The following FFAR4 variants were observed in gnomAD, a reference collection of about 807,000 sequenced individuals.
FFAR4 encodes the protein free fatty acid receptor 4.
Under a neutral mutation model 27.0 loss-of-function variants are expected in FFAR4, and 19 were observed. The observed-to-expected ratio is 0.70, with a 90% confidence interval of 0.49 to 1.03. The LOEUF is 1.03. Among genes scored for constraint, FFAR4 ranks in the 50% least tolerant of loss-of-function variants. FFAR4 has a pLI of 0.00. For missense variants in FFAR4, 476 were observed against 479.0 expected (o/e 0.99, Z 0.06); for synonymous variants, 254 against 215.6 (o/e 1.18, Z -1.56).
chr10:93,567,213 T>C lies in FFAR4; in HGVS notation c.493T>C (p.Tyr165His), dbSNP rs749037839. The stretch of plus-strand genomic sequence containing the variant: ...AGTGCTGCTGGCGCTCATCTGGGGC[T>C]ATTCGGCGGTCGCCGCTCTGCCTCT... ...RAVLLALIWG[Y>H]SAVAALPLCV... Residue 165 changes from tyrosine (Y) to histidine (H), a missense_variant, in exon 1 of 3, where the codon TAT becomes CAT. Tyr to His is a moderately conservative substitution (Grantham distance 83, BLOSUM62 2). Coordinates refer to ENST00000371481, the MANE Select transcript of FFAR4 (RefSeq NM_001195755.2). 7 of 1,601,976 alleles carry C rather than the reference T, an allele frequency of 4.4e-6. No homozygotes were observed. Among genetic ancestry groups the C allele is most frequent in the Non-Finnish European group, 5.1e-6 (6 of 1,179,510 alleles).
In FFAR4 at chr10:93,579,883, G is replaced by C. The variant is rs74231321; in HGVS notation, c.696+3664G>C. 1.0e-3 allele frequency among the ~76,000 whole-genome samples: 159 copies of C among 152,318 alleles called. 1 individual carries two copies. The East Asian group carries it at 0.02, about 19-fold the overall frequency. ...CTTAAGTAATGTGAACCTCAGTTTC[G>C]CAGGAGCCAAATATGCCTCAGTGGA... On this transcript the variant is annotated intron_variant, in intron 2 of 2. Transcript: ENST00000371481.
intron 1 of FFAR4, among the ~76,000 whole-genome samples, chr10:93,572,513 T>G (rs746814314): frequency 1.3e-5 from 2 of 152,176 alleles, no homozygotes; most frequent in African/African-American, 4.8e-5. Context: ...GTAGGAAGTT[T>G]AGACTTAATG....
intron 1 of FFAR4, among the ~76,000 whole-genome samples, chr10:93,571,005 A>G (rs1423860130): frequency 6.6e-6 from 1 of 152,240 alleles, no homozygotes; most frequent in Non-Finnish European, 1.5e-5. Context: ...GCACATACAC[A>G]GTTAAGCACA....
chr10:93,574,540 G>A (rs1172792752), intron 1 of FFAR4, among the ~76,000 whole-genome samples: 2 of 152,134 alleles, frequency 1.3e-5, no homozygotes, highest in African/African-American at 4.8e-5. Context: ...GGTGGTGCGG[G>A]TTTTCTGGAG....
rs1175881579 is a variant in FFAR4, at chr10:93,587,396, C to T, written c.873C>T (p.Asn291=). ...IITILLILIQ[N]FKQDLVIWPS... is the part of the protein sequence containing the mutation. Reference sequence around the variant, plus strand: ...CCATCCTCCTCATCCTGATCCAGAACTTCAAGCAAGACCTGGTCATCTGGC... The same window carrying T: ...CCATCCTCCTCATCCTGATCCAGAATTTCAAGCAAGACCTGGTCATCTGGC... The change falls in exon 3 of 3, where the codon AAC becomes AAT. Residue 291 remains asparagine (N), a synonymous_variant. Transcript: ENST00000371481. The T allele has an allele frequency of 1.9e-6, 3 of 1,613,980 alleles. No homozygotes were observed. The highest frequency in any genetic ancestry group is 1.7e-6 in the Non-Finnish European group (2 of 1,180,020).
chr10:93,576,176 T>A lies in FFAR4; in HGVS notation c.653T>A (p.Val218Glu), dbSNP rs1374688905. 1.9e-6 allele frequency: 3 copies of A among 1,614,152 alleles called. No individual in the cohort carries two copies. The highest frequency in any genetic ancestry group is 2.5e-6 in the Non-Finnish European group (3 of 1,179,978). ...DVSFVTLNFLVPGLVIVISYS... is the reference protein window; with the variant it reads ...DVSFVTLNFLEPGLVIVISYS... ...TCTTTTGTTACTTTGAACTTCTTGG[T>A]GCCAGGACTGGTCATTGTGATCAGT... The change falls in exon 2 of 3, where the codon GTG becomes GAG. Residue 218 changes from valine (V) to glutamate (E), a missense_variant. Physicochemically the swap from Val to Glu is moderately radical, Grantham distance 121. Coordinates refer to ENST00000371481, the MANE Select transcript of FFAR4 (RefSeq NM_001195755.2).
intron 2 of FFAR4, among the ~76,000 whole-genome samples, chr10:93,576,603 A>G (rs2058165466): frequency 6.6e-6 from 1 of 152,202 alleles, no homozygotes; most frequent in Admixed American, 6.5e-5. Flanking sequence ...GATGAACCAT[A>G]TGAAATTGCA....
At chr10:93,579,021 A>C in intron 2 of FFAR4, 3 of 734,470 alleles carry the variant, frequency 4.1e-6, no homozygotes, top group Non-Finnish European at 7.3e-6. Flanking sequence ...TCTCAAGGCC[A>C]GGGTCCACCT....
chr10:93,586,000 G>A (rs1354754603), intron 2 of FFAR4, among the ~76,000 whole-genome samples: 2 of 152,210 alleles, frequency 1.3e-5, no homozygotes, highest in Non-Finnish European at 2.9e-5. Flanking sequence ...AACCTAGGGT[G>A]GGGTCCAGTG....
At chr10:93,579,051 A>AG in intron 2 of FFAR4, 3 of 925,634 alleles carry the variant, frequency 3.2e-6, no homozygotes, top group Non-Finnish European at 5.3e-6. Flanking sequence ...CTGAGACCTG[A>AG]GGAGTTGGGG....
At chr10:93,583,168 C>T (rs1485364287) in intron 2 of FFAR4, among the ~76,000 whole-genome samples, 2 of 149,050 alleles carry the variant, frequency 1.3e-5, no homozygotes, top group East Asian at 2.0e-4. Context: ...TTTGGGAGGC[C>T]AAGGCGGGTG....
chr10:93,575,744 G>T (rs2058159861), intron 1 of FFAR4, among the ~76,000 whole-genome samples: 1 of 152,204 alleles, frequency 6.6e-6, no homozygotes, highest in African/African-American at 2.4e-5. Flanking sequence ...TTGTAAAATG[G>T]CAGGCTTGGA....
intron 2 of FFAR4, among the ~76,000 whole-genome samples, chr10:93,577,630 T>C (rs1318867118): frequency 2.0e-5 from 3 of 152,196 alleles, no homozygotes; most frequent in Non-Finnish European, 2.9e-5. Context: ...TTAGCTATTA[T>C]CATTAAGTTA....
Position 93,566,943 on chromosome 10 carries a change from G to A in FFAR4, c.223G>A (p.Ala75Thr). ...VARRRRRGAT[A>T]CLVLNLFCAD... ...GCGCCGACGACGCCGCGGCGCGACT[G>A]CCTGCCTGGTACTCAACCTCTTCTG... The change falls in exon 1 of 3, where the codon GCC (alanine) becomes ACC (threonine). Residue 75 changes from alanine to threonine, a missense_variant. By Grantham distance (58) the Ala-to-Thr change is moderately conservative. Transcript: ENST00000371481. The A allele has an allele frequency of 1.2e-6, 2 of 1,610,662 alleles. No homozygotes were observed. Among genetic ancestry groups the A allele is most frequent in the Non-Finnish European group, 8.5e-7 (1 of 1,179,448 alleles).
rs545539198 is a variant in FFAR4 at position 93,576,141 on chromosome 10, G to A, written c.618G>A (p.Ser206=). 45 of 1,613,498 alleles carry A rather than the reference G, an allele frequency of 2.8e-5. No individual in the cohort carries two copies. The highest frequency in any genetic ancestry group is 1.2e-4 in the African/African-American group (9 of 75,032). Residue 206 remains serine, a synonymous_variant, in exon 2 of 3, where the codon TCG becomes TCA. Transcript: ENST00000371481. ...GGCCCACCATTCCTGGAGAGATCTC[G>A]TGGGATGTCTCTTTTGTTACTTTGA... ...LIWPTIPGEI[S]WDVSFVTLNF...
intron 1 of FFAR4, among the ~76,000 whole-genome samples, chr10:93,572,276 C>T (rs2058136211): frequency 6.6e-6 from 1 of 152,110 alleles, no homozygotes; most frequent in African/African-American, 2.4e-5. Flanking sequence ...GCAGTGTCCC[C>T]ACTGAGTGTG....
intron 1 of FFAR4, among the ~76,000 whole-genome samples, chr10:93,573,500 A>G (rs1295084918): frequency 2.6e-4 from 40 of 152,140 alleles, no homozygotes; most frequent in Admixed American, 2.5e-3. Flanking sequence ...ACTTAAGCCA[A>G]ATGGATTTTC....
chr10:93,569,497 C>T (rs1033781467), intron 1 of FFAR4, among the ~76,000 whole-genome samples: 1 of 152,150 alleles, frequency 6.6e-6, no homozygotes, highest in Non-Finnish European at 1.5e-5. Flanking sequence ...GTGGTTAGAG[C>T]CCTCTGTGGT....
intron 1 of FFAR4, among the ~76,000 whole-genome samples, chr10:93,572,427 C>G (rs935509035): frequency 2.6e-5 from 4 of 152,036 alleles, no homozygotes; most frequent in African/African-American, 9.7e-5. Context: ...ATGTGTAGAG[C>G]CTGAGGTTCA....
Sources: allele counts gnomAD v4.1 joint callset (sites outside exome capture counted in the v4.1 genomes callset), GRCh38; gene constraint gnomAD v4.1.1; transcripts MANE v1.5; gene names NCBI Gene and HGNC (gene_info 2026-07-23, HGNC 2026-07-21).